The following PGPEP1L variants were observed in gnomAD, a reference collection of about 807,000 sequenced individuals.
PGPEP1L encodes pyroglutamyl-peptidase I like, also known as pyroglutamyl-peptidase 1-like protein.
PGPEP1L carries 7 observed loss-of-function variants against 6.0 expected under a neutral mutation model. The ratio of observed to expected loss-of-function variants is 1.17; its 90% confidence interval spans 0.66 to 2.19. PGPEP1L has a LOEUF of 2.19. Among genes scored for constraint, PGPEP1L ranks in the 30% most tolerant of loss-of-function variants. The pLI is 0.00. For missense variants in PGPEP1L, 209 were observed against 192.5 expected (o/e 1.09, Z -0.51); for synonymous variants, 103 against 83.9 (o/e 1.23, Z -1.24).
At chr15:98,982,775 A>C (rs1474464511) in intron 2 of PGPEP1L, among the ~76,000 whole-genome samples, 2 of 123,662 alleles carry the variant, frequency 1.6e-5, no homozygotes, top group Non-Finnish European at 3.2e-5. Flanking sequence ...CGGGGGCATG[A>C]TCTTGGCTCA....
intron 2 of PGPEP1L, among the ~76,000 whole-genome samples, chr15:98,991,754 C>T (rs1412652629): frequency 6.6e-6 from 1 of 152,182 alleles, no homozygotes; most frequent in South Asian, 2.1e-4. Flanking sequence ...AGCTTATCTA[C>T]TACAATCAAG....
At chr15:98,978,130 C>A (rs1265698998) in intron 2 of PGPEP1L, among the ~76,000 whole-genome samples, 1 of 152,210 alleles carries the variant, frequency 6.6e-6, no homozygotes, top group Admixed American at 6.5e-5. Context: ...AATTTCACCT[C>A]CAGAGATCTT....
At chr15:99,007,039 TG>T (rs2018080642) in intron 1 of PGPEP1L, among the ~76,000 whole-genome samples, 1 of 152,154 alleles carries the variant, frequency 6.6e-6, no homozygotes, top group South Asian at 2.1e-4. Context: ...CCCTTTTAAT[TG>T]GGATCACCCC....
At chr15:98,976,116 A>G (rs1295586956) in intron 2 of PGPEP1L, among the ~76,000 whole-genome samples, 1 of 152,202 alleles carries the variant, frequency 6.6e-6, no homozygotes, top group African/African-American at 2.4e-5. Flanking sequence ...TTAGTGTGGG[A>G]CAATGGAAAG....
intron 2 of PGPEP1L, among the ~76,000 whole-genome samples, chr15:98,979,628 CTATTCTTTTTTTTTTTTTTT>C (rs2017626506): frequency 4.0e-5 from 3 of 75,882 alleles, no homozygotes; most frequent in African/African-American, 8.2e-5. Flanking sequence ...GGATTGGAGA[CTATTCTTTTTTTTTTTTTTT>C]TTTTTTTTTT....
rs550421884 is a variant in PGPEP1L, at chr15:99,000,390, C to T, written c.-142+5039G>A. Among the ~76,000 whole-genome samples, 285 of 152,304 alleles carry T rather than the reference C, an allele frequency of 1.9e-3. 1 individual carries two copies. Among genetic ancestry groups the T allele is most frequent in the African/African-American group, 4.9e-3 (203 of 41,574 alleles). ...CACCCCAAGGGCTGAGGAGTGCGGG[C>T]ACATGGCACAGGACTGGCAGGCAGC... On this transcript the variant is annotated intron_variant, in intron 2 of 4. Transcript: ENST00000535714.
intron 2 of PGPEP1L, among the ~76,000 whole-genome samples, chr15:98,971,825 AAAT>A (rs1271920880): frequency 4.6e-5 from 7 of 152,246 alleles, no homozygotes; most frequent in Non-Finnish European, 1.0e-4. Flanking sequence ...AAACTATAAA[AAAT>A]AATTACTACA....
chr15:98,988,726 C>T lies in PGPEP1L; in HGVS notation c.-142+16703G>A, dbSNP rs782816140. The stretch of plus-strand genomic sequence containing the variant: ...ACCTCCCAGTAGGGGCCGACAGACA[C>T]CTCATATAGGAGAGCTCTGGCTGGC... On this transcript the variant is annotated intron_variant, in intron 2 of 4. Coordinates refer to ENST00000535714, the MANE Select transcript of PGPEP1L (RefSeq NM_001167902.2). Among the ~76,000 whole-genome samples the T allele has an allele frequency of 2.6e-4, 39 of 152,326 alleles. No individual in the cohort carries two copies. The Middle Eastern group carries it at 0.01, about 40-fold the overall frequency.
At chr15:98,984,583 G>A (rs896910810) in intron 2 of PGPEP1L, among the ~76,000 whole-genome samples, 1 of 152,070 alleles carries the variant, frequency 6.6e-6, no homozygotes, top group Non-Finnish European at 1.5e-5. Flanking sequence ...TCAAATGAAC[G>A]TCCATGAACA....
At chr15:98,981,671 T>C (rs569704690) in intron 2 of PGPEP1L, among the ~76,000 whole-genome samples, 2 of 152,156 alleles carry the variant, frequency 1.3e-5, no homozygotes, top group African/African-American at 4.8e-5. Context: ...AAATAGACTA[T>C]GGACTTTATG....
At position 98,990,242 on chromosome 15, in the gene PGPEP1L, G is replaced by C. The variant is rs540794486; in HGVS notation, c.-142+15187C>G. ...GTCTCACGTGCAAAGACACACATAG[G>C]CTCAAAATAAAGGGATGGAGGAATA... On this transcript the variant is annotated intron_variant, in intron 2 of 4. Transcript: ENST00000535714. Among the ~76,000 whole-genome samples the C allele has an allele frequency of 2.0e-4, 31 of 151,974 alleles. No individual in the cohort carries two copies. In the South Asian group the frequency reaches 6.4e-3, roughly 32 times the overall value.
chr15:99,006,862 G>T (rs1372479897), intron 1 of PGPEP1L, among the ~76,000 whole-genome samples: 1 of 152,102 alleles, frequency 6.6e-6, no homozygotes. Flanking sequence ...TATATTAAGA[G>T]GAAGAAGACC....
chr15:99,003,722 G>A (rs2018007778), intron 2 of PGPEP1L, among the ~76,000 whole-genome samples: 1 of 147,780 alleles, frequency 6.8e-6, no homozygotes, highest in Non-Finnish European at 1.5e-5. Flanking sequence ...CCAAATCATG[G>A]CTGATTATCA....
rs539005334 is a variant in PGPEP1L at position 99,003,997 on chromosome 15, TTA to T, written c.-142+1430_-142+1431del. On this transcript the variant is annotated intron_variant, in intron 2 of 4. Transcript: ENST00000535714. ...CTCTGAAGGTCGATAGGAGTTAGAATTATAGTCTGAAAAGATTAAGCGACACA... is the reference window on the plus strand; with the variant it reads ...CTCTGAAGGTCGATAGGAGTTAGAATTAGTCTGAAAAGATTAAGCGACACA... Among the ~76,000 whole-genome samples the T allele has an allele frequency of 3.9e-3, 573 of 148,186 alleles. 12 individuals are homozygous for T. Among genetic ancestry groups the T allele is most frequent in the African/African-American group, 0.014 (546 of 38,518 alleles).
chr15:98,971,163 G>A lies in PGPEP1L; in HGVS notation c.-141-5C>T, dbSNP rs1202343914. On this transcript the variant is annotated splice_region_variant and splice_polypyrimidine_tract_variant and intron_variant, in intron 2 of 4. Transcript: ENST00000535714. The stretch of plus-strand genomic sequence containing the variant: ...CAGGCCCAGCTTGGAGAGCTCCTGA[G>A]GAAAGCGGCAGGTGGACTTGCCTCA... 4.1e-6 allele frequency: 6 copies of A among 1,480,660 alleles called. No homozygotes were observed. Among genetic ancestry groups the A allele is most frequent in the Non-Finnish European group, 4.6e-6 (5 of 1,097,996 alleles). The allele number at this position is 1,480,660 out of a possible 1,614,324, so 91.7% of individuals were successfully genotyped here.
rs183381657 is a variant in PGPEP1L, at chr15:99,007,742, A to G, written c.-753T>C. 6.6e-6 allele frequency: 1 copy of G among 152,290 alleles called. No individual in the cohort carries two copies. The highest frequency in any genetic ancestry group is 1.5e-5 in the Non-Finnish European group (1 of 68,072). 9.4% of individuals were successfully genotyped at this position (152,290 alleles called of 1,614,324 possible). A position where few individuals can be genotyped will look rare whatever the true frequency, so the allele number is the denominator to read the frequency against. The stretch of plus-strand genomic sequence containing the variant: ...GCAGCAGCAACGGTTATTGCAAACA[A>G]GCAAAACAACAAAACTTCCACAGCA... On this transcript the variant is annotated 5_prime_UTR_variant, in exon 1 of 5. Transcript: ENST00000535714.
intron 2 of PGPEP1L, among the ~76,000 whole-genome samples, chr15:98,978,724 ATATTT>A (rs1164348861): frequency 0.014 from 959 of 69,330 alleles, 1 homozygote; most frequent in East Asian, 0.033. Flanking sequence ...ATATATATAT[ATATTT>A]TTTTTTTTTT....
At chr15:99,006,726 G>A (rs782069548) in intron 1 of PGPEP1L, among the ~76,000 whole-genome samples, 14 of 152,332 alleles carry the variant, frequency 9.2e-5, no homozygotes, top group Non-Finnish European at 1.8e-4. Context: ...TGAAGCGGGA[G>A]GATCACTTGA....
chr15:99,004,671 T>C (rs1464276991), intron 2 of PGPEP1L, among the ~76,000 whole-genome samples: 2 of 152,138 alleles, frequency 1.3e-5, no homozygotes, highest in Non-Finnish European at 2.9e-5. Context: ...TGAGCTGAGC[T>C]TACGCCACTG....
Sources: gnomAD v4.1 joint callset for allele counts (sites outside exome capture counted in the v4.1 genomes callset) on GRCh38, gnomAD v4.1.1 for gene constraint, MANE v1.5 for transcripts, NCBI Gene and HGNC (gene_info 2026-07-23, HGNC 2026-07-21) for gene names.